DNM1: variants seen among roughly 807,000 people sequenced by gnomAD.
DNM1 encodes the protein dynamin-1.
DNM1 carries 29 observed loss-of-function variants against 104.6 expected under a neutral mutation model. That is an observed-to-expected ratio of 0.28 (90% CI 0.21 to 0.38). DNM1 has a LOEUF of 0.38. Ranked by LOEUF, DNM1 falls within the 10% of genes least tolerant of loss-of-function variation. The pLI, the probability that DNM1 is intolerant of heterozygous loss-of-function variation, is 1.00. For missense variants in DNM1, 640 were observed against 1,189.4 expected (o/e 0.54, Z 6.79); for synonymous variants, 445 against 475.8 (o/e 0.94, Z 0.84).
chr9:128,239,327 T>C (rs1340819346), intron 11 of DNM1, 118 bp from the exon 12 acceptor site: 2 of 756,752 alleles, frequency 2.6e-6, no homozygotes, highest in African/African-American at 3.4e-5. Context: ...AGGGACTATA[T>C]TTATTATGGA....
chr9:128,250,768 G>T lies in DNM1; in HGVS notation c.2362G>T (p.Val788Leu). The change falls in exon 21 of 22, where the codon GTG becomes TTG. Residue 788 changes from valine (V) to leucine (L), a missense_variant. Coordinates refer to ENST00000372923, the MANE Select transcript of DNM1 (RefSeq NM_004408.4). ...CACGCCGCAGCGCCGAGCCCCCGCC[G>T]TGCCCCCAGCCCGGCCCGGGTCGCG... ...SPTPQRRAPA[V>L]PPARPGSRGP... 7.1e-7 allele frequency: 1 copy of T among 1,415,466 alleles called. No individual in the cohort carries two copies. Among genetic ancestry groups the T allele is most frequent in the Non-Finnish European group, 9.2e-7 (1 of 1,089,946 alleles). 87.7% of individuals were successfully genotyped at this position (1,415,466 alleles called of 1,614,324 possible).
At chr9:128,250,664 T>C in intron 20 of DNM1, 61 bp from the exon 21 acceptor site, 1 of 1,340,926 alleles carries the variant, frequency 7.5e-7, no homozygotes, top group Non-Finnish European at 9.7e-7. Flanking sequence ...GGGCGGGGCC[T>C]CTGGGTGGGC....
intron 10 of DNM1, chr9:128,226,018 C>T: frequency 1.2e-6 from 2 of 1,612,068 alleles, no homozygotes; most frequent in Non-Finnish European, 1.7e-6. Context: ...CTGTCCCCAC[C>T]TCCTCCCCGG....
intron 11 of DNM1, among the ~76,000 whole-genome samples, chr9:128,237,078 A>G (rs1331616719): frequency 6.6e-6 from 1 of 152,192 alleles, no homozygotes; most frequent in Non-Finnish European, 1.5e-5. Context: ...GAAACGCTAC[A>G]TTTGTGGACT....
At chr9:128,209,228 G>T (rs1049053955) in intron 1 of DNM1, among the ~76,000 whole-genome samples, 2 of 152,210 alleles carry the variant, frequency 1.3e-5, no homozygotes, top group Non-Finnish European at 2.9e-5. Context: ...CCCATCCACA[G>T]CCAGAGGACA....
chr9:128,235,291 T>G lies in DNM1; in HGVS notation c.1422+1184T>G, dbSNP rs184445181. Among the ~76,000 whole-genome samples the G allele has an allele frequency of 3.5e-3, 529 of 152,010 alleles. 3 individuals carry two copies. The highest frequency in any genetic ancestry group is 5.8e-3 in the Non-Finnish European group (393 of 67,928). On this transcript the variant is annotated intron_variant, in intron 11 of 21. Transcript: ENST00000372923. ...TGGGCGGATCACGAGGTCAGGAGTT[T>G]GAGACCAGCCTGGCCAACATGGTGA...
intron 10 of DNM1, among the ~76,000 whole-genome samples, chr9:128,229,096 C>T (rs1835509516): frequency 6.6e-6 from 1 of 152,012 alleles, no homozygotes; most frequent in African/African-American, 2.4e-5. Context: ...GAATATTATG[C>T]ACCCATTAAA....
chr9:128,237,681 T>C (rs1836099144), intron 11 of DNM1, among the ~76,000 whole-genome samples: 1 of 152,252 alleles, frequency 6.6e-6, no homozygotes, highest in Non-Finnish European at 1.5e-5. Flanking sequence ...TATTACAAAC[T>C]GTACTACTTT....
intron 6 of DNM1, chr9:128,221,324 A>T (rs1007295892): frequency 6.6e-6 from 1 of 152,170 alleles, no homozygotes; most frequent in African/African-American, 2.4e-5. Context: ...TCCTGACATC[A>T]GGTGATCTGC....
At chr9:128,238,123 G>A (rs1836124654) in intron 11 of DNM1, among the ~76,000 whole-genome samples, 1 of 151,962 alleles carries the variant, frequency 6.6e-6, no homozygotes, top group Non-Finnish European at 1.5e-5. Flanking sequence ...CTCAGAGAAG[G>A]TGATACTGAT....
At chr9:128,244,528 A>AC (rs1031536439) in intron 15 of DNM1, among the ~76,000 whole-genome samples, 13 of 143,398 alleles carry the variant, frequency 9.1e-5, no homozygotes, top group African/African-American at 1.5e-4. Flanking sequence ...GTCCCCATTG[A>AC]CCCCCCCATC....
chr9:128,209,372 A>C (rs1315703031), intron 1 of DNM1, among the ~76,000 whole-genome samples: 2 of 152,104 alleles, frequency 1.3e-5, no homozygotes, highest in African/African-American at 4.8e-5. Flanking sequence ...GGTCGGACCC[A>C]GGGAAGGGGG....
At position 128,243,941 on chromosome 9, in the gene DNM1, T is replaced by TTGTG. The variant is rs34446611; in HGVS notation, c.1671+1621_1671+1624dup. On this transcript the variant is annotated intron_variant, in intron 15 of 21. Transcript: ENST00000372923. This position sits in a 1 kb window ranked among gnomAD's most constrained non-coding sequence, Gnocchi z 4.0. ...GTGGGTGCTGGGAGGCGGGGTGTGT[T>TTGTG]TGTGTGTGTGTGTGTGTGTGTGTGT... is the stretch of plus-strand genomic sequence containing the variant. 0.013 allele frequency among the ~76,000 whole-genome samples: 1,885 copies of TTGTG among 143,810 alleles called. 16 individuals are homozygous for TTGTG. Among genetic ancestry groups the TTGTG allele is most frequent in the African/African-American group, 0.032 (1,272 of 39,516 alleles). The allele number at this position is 143,810 out of a possible 152,430, so 94.3% of individuals were successfully genotyped here.
intron 11 of DNM1, among the ~76,000 whole-genome samples, chr9:128,239,235 C>A (rs1402678828): frequency 6.6e-6 from 1 of 151,314 alleles, no homozygotes; most frequent in Non-Finnish European, 1.5e-5. Context: ...TAGGCTCAAG[C>A]AATCCTCCCA....
chr9:128,224,067 A>G lies in DNM1; in HGVS notation c.1197-184A>G. The G allele has an allele frequency of 1.4e-6, 1 of 693,622 alleles. No homozygotes were observed. Among genetic ancestry groups the G allele is most frequent in the Non-Finnish European group, 2.2e-6 (1 of 452,716 alleles). 43.0% of individuals were successfully genotyped at this position (693,622 alleles called of 1,614,324 possible). Reference sequence around the variant, plus strand: ...CCGTCTCAAAAAAAATAACAACAACAACAAAAAACCCTTCATTAGAACCCC... The same window carrying G: ...CCGTCTCAAAAAAAATAACAACAACGACAAAAAACCCTTCATTAGAACCCC... On this transcript the variant is annotated intron_variant, in intron 9 of 21. Coordinates refer to ENST00000372923, the MANE Select transcript of DNM1 (RefSeq NM_004408.4). The surrounding 1 kb of genome is among the most constrained non-coding windows in gnomAD (Gnocchi z 4.3).
chr9:128,210,810 C>T (rs1300310861), intron 1 of DNM1, among the ~76,000 whole-genome samples: 1 of 152,176 alleles, frequency 6.6e-6, no homozygotes, highest in Admixed American at 6.6e-5. Flanking sequence ...ACCCCAGTCC[C>T]ACCCATGTGT....
Position 128,224,278 on chromosome 9 carries a change from C to T in DNM1, c.1224C>T (p.Ala408=). ...IRTGLFTPDM[A]FETIVKKQVK... Reference sequence around the variant, plus strand: ...CGGGGCTGTTTACCCCAGACATGGCCTTTGAGACCATTGTGAAAAAGCAGG... The same window carrying T: ...CGGGGCTGTTTACCCCAGACATGGCTTTTGAGACCATTGTGAAAAAGCAGG... The change falls in exon 10 of 22, where the codon GCC becomes GCT. Residue 408 remains alanine, a synonymous_variant. Coordinates refer to ENST00000372923, the MANE Select transcript of DNM1 (RefSeq NM_004408.4). This position sits in a 1 kb window ranked among gnomAD's most constrained non-coding sequence, Gnocchi z 4.3. 1 of 1,614,074 alleles carries T rather than the reference C, an allele frequency of 6.2e-7. No individual in the cohort carries two copies. The highest frequency in any genetic ancestry group is 1.3e-5 in the African/African-American group (1 of 75,054).
intron 1 of DNM1, among the ~76,000 whole-genome samples, chr9:128,213,132 A>T (rs768754992): frequency 5.3e-5 from 8 of 152,138 alleles, no homozygotes; most frequent in Non-Finnish European, 1.0e-4. Flanking sequence ...TCCAGGCTGG[A>T]GTACAGCGGC....
rs1283066365 is a variant in DNM1, at chr9:128,247,745, T to C, written c.1894-179T>C. Among the ~76,000 whole-genome samples, 1 of 152,218 alleles carries C rather than the reference T, an allele frequency of 6.6e-6. No homozygotes were observed. Among genetic ancestry groups the C allele is most frequent in the Non-Finnish European group, 1.5e-5 (1 of 68,034 alleles). On this transcript the variant is annotated intron_variant, in intron 17 of 21. Transcript: ENST00000372923. This position sits in a 1 kb window ranked among gnomAD's most constrained non-coding sequence, Gnocchi z 5.1. The stretch of plus-strand genomic sequence containing the variant: ...CCATCCCCTTTCTATGATGGTAGTT[T>C]CTTGTGACTGCCTTCTCTTTTCTCC...
Sources: allele counts gnomAD v4.1 joint callset (sites outside exome capture counted in the v4.1 genomes callset), GRCh38; gene constraint gnomAD v4.1.1; non-coding constraint Gnocchi (gnomAD v3.1); transcripts MANE v1.5; gene names NCBI Gene and HGNC (gene_info 2026-07-23, HGNC 2026-07-21).